CD36: variants seen among roughly 807,000 people sequenced by gnomAD.
CD36 encodes CD36 molecule (CD36 blood group).
In CD36, 119 loss-of-function variants were observed where a neutral mutation model predicts 55.2. The ratio of observed to expected loss-of-function variants is 2.15; its 90% CI spans 1.86 to 2.51. CD36 has a LOEUF of 2.51. Ranked by LOEUF, CD36 falls within the 30% of genes most tolerant of loss-of-function variation. CD36 has a pLI of 0.00. For synonymous variants in CD36, 186 were observed against 193.6 expected (o/e 0.96, Z 0.33); for missense variants, 819 against 555.5 (o/e 1.47, Z -4.77).
At chr7:80,640,119 G>GT (rs1794710449) in intron 1 of CD36, among the ~76,000 whole-genome samples, 1 of 151,994 alleles carries the variant, frequency 6.6e-6, no homozygotes, top group African/African-American at 2.4e-5. Context: ...ACTTAATTCT[G>GT]TAAGTATCCT....
chr7:80,672,069 G>GACATA (rs1419789652), intron 11 of CD36, 29 bp downstream of exon 11: 3 of 1,541,798 alleles, frequency 1.9e-6, no homozygotes, highest in Non-Finnish European at 2.7e-6. Flanking sequence ...GATCTGATTT[G>GACATA]GTTGATATTT....
chr7:80,669,423 T>G (rs767597091), intron 8 of CD36, among the ~76,000 whole-genome samples: 3 of 152,166 alleles, frequency 2.0e-5, no homozygotes, highest in Non-Finnish European at 2.9e-5. Context: ...ATTAATAAGT[T>G]AAATATAGTT....
At chr7:80,640,902 A>G (rs754631708) in intron 1 of CD36, among the ~76,000 whole-genome samples, 15 of 152,250 alleles carry the variant, frequency 9.9e-5, no homozygotes, top group Middle Eastern at 3.4e-3. Flanking sequence ...ACAGATGTCT[A>G]TCAAGTTTTT....
intron 1 of CD36, among the ~76,000 whole-genome samples, chr7:80,640,739 G>T (rs1251040897): frequency 6.6e-6 from 1 of 151,894 alleles, no homozygotes. Context: ...GTAATCCCTG[G>T]TTCATAAGTC....
At chr7:80,637,179 A>G (rs1340238122), upstream of CD36, among the ~76,000 whole-genome samples, 4 of 152,154 alleles carry the variant, frequency 2.6e-5, no homozygotes, top group Non-Finnish European at 4.4e-5. Context: ...GAATTGTCAT[A>G]TTAGAGTGTG....
chr7:80,637,647 AC>A (rs111507476), upstream of CD36, among the ~76,000 whole-genome samples: 1,880 of 152,044 alleles, frequency 0.012, 39 homozygotes, highest in African/African-American at 0.043. Context: ...AAAGGACAGC[AC>A]GAGCATTCTA....
intron 1 of CD36, among the ~76,000 whole-genome samples, chr7:80,639,236 A>G (rs1460767368): frequency 1.3e-5 from 2 of 151,992 alleles, no homozygotes; most frequent in Admixed American, 6.6e-5. Context: ...GAATTGCACA[A>G]CTTTTGGTAT....
rs1797258510 is a variant in CD36, at chr7:80,667,759, T to TTTTTG, written c.748+1274_748+1275insGTTTT. On this transcript the variant is annotated intron_variant, in intron 8 of 14. Transcript: ENST00000447544. ...GGGGTTTTCTTTTGTTTTTTTTTTT[T>TTTTTG]TTTTTTTTTGAGACATAGTCTGGCT... 5.7e-5 allele frequency among the ~76,000 whole-genome samples: 8 copies of TTTTTG among 141,368 alleles called. 1 individual carries two copies. Among genetic ancestry groups the TTTTTG allele is most frequent in the African/African-American group, 2.1e-4 (8 of 38,544 alleles). 92.7% of individuals were successfully genotyped at this position (141,368 alleles called of 152,430 possible).
chr7:80,639,631 T>G (rs192319141), intron 1 of CD36, among the ~76,000 whole-genome samples: 3 of 152,148 alleles, frequency 2.0e-5, no homozygotes, highest in African/African-American at 7.2e-5. Context: ...TATTGAAACC[T>G]GTTTTGTAAA....
intron 1 of CD36, among the ~76,000 whole-genome samples, chr7:80,605,616 C>T (rs1792502151): frequency 6.6e-6 from 1 of 152,112 alleles, no homozygotes; most frequent in Non-Finnish European, 1.5e-5. Flanking sequence ...TCTTAAAATG[C>T]TAAGTAACTT....
At chr7:80,649,776 CAGA>C (rs1022817582) in intron 3 of CD36, among the ~76,000 whole-genome samples, 1 of 151,544 alleles carries the variant, frequency 6.6e-6, no homozygotes, top group Non-Finnish European at 1.5e-5. Flanking sequence ...GAGGAAAAAG[CAGA>C]AGAATTATTA....
chr7:80,642,959 C>T (rs996833922), intron 1 of CD36, among the ~76,000 whole-genome samples: 2 of 152,078 alleles, frequency 1.3e-5, no homozygotes, highest in South Asian at 2.1e-4. Context: ...GGGATGTGTA[C>T]ACTATCTCAC....
chr7:80,662,021 G>A (rs183680473), intron 5 of CD36, among the ~76,000 whole-genome samples: 1 of 152,232 alleles, frequency 6.6e-6, no homozygotes, highest in East Asian at 1.9e-4. Context: ...TCTTCAGCAA[G>A]CTCAGCAAAA....
Position 80,664,450 on chromosome 7 carries a change from A to G in CD36, c.654A>G (p.Lys218=). 1 of 1,582,376 alleles carries G rather than the reference A, an allele frequency of 6.3e-7. No individual in the cohort carries two copies. The highest frequency in any genetic ancestry group is 8.7e-7 in the Non-Finnish European group (1 of 1,151,296). ...ADGVYKVFNG[K]DNISKVAIID... ...GAGTTTATAAAGTTTTCAATGGAAAAGATAACATAAGTAAAGTTGCCATAA... is the reference window on the plus strand; with the variant it reads ...GAGTTTATAAAGTTTTCAATGGAAAGGATAACATAAGTAAAGTTGCCATAA... The change falls in exon 7 of 15, where the codon AAA becomes AAG. Residue 218 remains lysine, a synonymous_variant. Transcript: ENST00000447544.
intron 8 of CD36, among the ~76,000 whole-genome samples, chr7:80,668,715 G>A (rs1302746940): frequency 6.6e-6 from 1 of 152,168 alleles, no homozygotes; most frequent in Non-Finnish European, 1.5e-5. Context: ...TGTTGTCAAT[G>A]TCCATATGGG....
In CD36 at chr7:80,656,531, T is replaced by G; in HGVS notation, c.121-9T>G. 1 of 1,613,120 alleles carries G rather than the reference T, an allele frequency of 6.2e-7. No individual in the cohort carries two copies. Among genetic ancestry groups the G allele is most frequent in the Non-Finnish European group, 8.5e-7 (1 of 1,179,440 alleles). On this transcript the variant is annotated splice_polypyrimidine_tract_variant and intron_variant, in intron 3 of 14. Transcript: ENST00000447544. ...AAGACATAACCCAAACTTATTTTCT[T>G]TTTCATAGCAAGTTGTCCTCGAAGA...
chr7:80,662,964 C>T (rs1260440190), intron 5 of CD36, 26 bp from the exon 6 acceptor site: 2 of 1,570,566 alleles, frequency 1.3e-6, no homozygotes, highest in Middle Eastern at 1.9e-4. Context: ...GTATTCTTGT[C>T]TTAAACAGTG....
At chr7:80,609,689 C>T (rs1305606697) in intron 1 of CD36, among the ~76,000 whole-genome samples, 1 of 152,162 alleles carries the variant, frequency 6.6e-6, no homozygotes, top group Non-Finnish European at 1.5e-5. Context: ...GGAATAAAAG[C>T]ATGTATAAAT....
intron 5 of CD36, among the ~76,000 whole-genome samples, chr7:80,661,616 A>T (rs2116666395): frequency 6.6e-6 from 1 of 152,158 alleles, no homozygotes; most frequent in East Asian, 1.9e-4. Flanking sequence ...ATAAGCAATA[A>T]ACCATTCCGA....
Sources: allele counts gnomAD v4.1 joint callset (sites outside exome capture counted in the v4.1 genomes callset), GRCh38; gene constraint gnomAD v4.1.1; transcripts MANE v1.5; gene names NCBI Gene and HGNC (gene_info 2026-07-23, HGNC 2026-07-21).